The following CELF2 variants were observed in gnomAD, a reference collection of about 807,000 sequenced individuals.
CELF2 encodes the protein CUG triplet repeat RNA-binding protein 2.
A neutral mutation model predicts 62.6 loss-of-function variants in CELF2; 8 were observed. That is an observed-to-expected ratio of 0.13 (90% CI 0.07 to 0.23). The LOEUF (loss-of-function observed/expected upper bound fraction) is 0.23, where lower values mean the gene tolerates loss of function less well. CELF2 is among the 10% of genes least tolerant of loss of function. The pLI, the probability that CELF2 is intolerant of heterozygous loss-of-function variation, is 1.00. For synonymous variants in CELF2, 258 were observed against 250.0 expected (o/e 1.03, Z -0.30); for missense variants, 333 against 671.0 (o/e 0.50, Z 5.56).
At chr10:10,791,318 CAAA>C in the CELF2 span, among the ~76,000 whole-genome samples, 1 of 124,740 alleles carries the variant, frequency 8.0e-6, no homozygotes, top group Non-Finnish European at 1.7e-5. Flanking sequence ...TTTAATGTGG[CAAA>C]AAAAAAAAAA....
intron 1 of CELF2, among the ~76,000 whole-genome samples, chr10:10,905,863 G>T (rs2063298390): frequency 6.7e-6 from 1 of 149,056 alleles, no homozygotes; most frequent in Non-Finnish European, 1.5e-5. Context: ...GGGTGACAGA[G>T]CAAGGCTCCA....
the CELF2 span, among the ~76,000 whole-genome samples, chr10:10,561,863 T>C: frequency 1.3e-5 from 2 of 152,112 alleles, no homozygotes; most frequent in Non-Finnish European, 2.9e-5. Context: ...AGGGGTGAAA[T>C]TTGGGAAGGT....
the CELF2 span, among the ~76,000 whole-genome samples, chr10:10,621,700 G>A: frequency 6.6e-6 from 1 of 152,150 alleles, no homozygotes; most frequent in Non-Finnish European, 1.5e-5. Flanking sequence ...GAGACAAGAA[G>A]CAACTCTGCC....
At chr10:10,713,439 T>C in the CELF2 span, among the ~76,000 whole-genome samples, 1 of 152,178 alleles carries the variant, frequency 6.6e-6, no homozygotes, top group Admixed American at 6.5e-5. Flanking sequence ...ATCTAAACAA[T>C]GGAAGAACCC....
intron 1 of CELF2, among the ~76,000 whole-genome samples, chr10:10,825,703 G>A (rs1208121312): frequency 6.6e-6 from 1 of 152,180 alleles, no homozygotes; most frequent in African/African-American, 2.4e-5. Context: ...TCTCTGCAAA[G>A]TAATATAGCA....
At chr10:10,852,117 G>A (rs1408103561) in intron 1 of CELF2, among the ~76,000 whole-genome samples, 2 of 152,328 alleles carry the variant, frequency 1.3e-5, no homozygotes, top group East Asian at 1.9e-4. Context: ...CAAGACAGAA[G>A]AATTTATATT....
the CELF2 span, among the ~76,000 whole-genome samples, chr10:10,605,336 A>G: frequency 6.6e-6 from 1 of 152,126 alleles, no homozygotes; most frequent in Non-Finnish European, 1.5e-5. Flanking sequence ...CTTAATACCT[A>G]GGTGATGGGT....
the CELF2 span, among the ~76,000 whole-genome samples, chr10:10,631,782 G>A: frequency 1.3e-5 from 2 of 152,044 alleles, no homozygotes; most frequent in African/African-American, 4.8e-5. Context: ...GAAAAATAAG[G>A]TTCTAAAAAA....
rs1389519334 is a variant in CELF2, at chr10:11,214,187, C to T, written c.272-3238C>T. Among the ~76,000 whole-genome samples, 1 of 152,134 alleles carries T rather than the reference C, an allele frequency of 6.6e-6. No homozygotes were observed. Among genetic ancestry groups the T allele is most frequent in the Non-Finnish European group, 1.5e-5 (1 of 68,012 alleles). ...TACTCCCAGGTACTCAGGGAAGGGG[C>T]AGGAGAACCACTTGAGCCAAGGAGT... On this transcript the variant is annotated intron_variant, in intron 2 of 12. Coordinates refer to ENST00000633077, the MANE Select transcript of CELF2 (RefSeq NM_001326342.2). The surrounding 1 kb of genome is among the most constrained non-coding windows in gnomAD (Gnocchi z 4.2).
chr10:10,877,085 G>A (rs924613170), intron 1 of CELF2, among the ~76,000 whole-genome samples: 13 of 152,228 alleles, frequency 8.5e-5, no homozygotes, highest in Admixed American at 7.9e-4. Context: ...CCATAAAGGT[G>A]AGCAACTAAT....
intron 1 of CELF2, among the ~76,000 whole-genome samples, chr10:10,810,008 C>G (rs959157566): frequency 3.3e-5 from 5 of 152,128 alleles, no homozygotes; most frequent in African/African-American, 1.2e-4. Context: ...ATATTTCTGA[C>G]AGTTTTAGAA....
the CELF2 span, among the ~76,000 whole-genome samples, chr10:10,561,570 A>G: frequency 6.6e-6 from 1 of 152,198 alleles, no homozygotes; most frequent in African/African-American, 2.4e-5. Context: ...AGTGCTAAGG[A>G]GAAAAATAAG....
At chr10:11,188,258 A>C (rs1316809519) in intron 2 of CELF2, among the ~76,000 whole-genome samples, 1 of 152,204 alleles carries the variant, frequency 6.6e-6, no homozygotes, top group African/African-American at 2.4e-5. Context: ...GGCATGTGCC[A>C]CCACACCTGG....
chr10:10,550,633 A>T, the CELF2 span, among the ~76,000 whole-genome samples: 1 of 151,594 alleles, frequency 6.6e-6, no homozygotes, highest in Non-Finnish European at 1.5e-5. Context: ...TCATGATCTG[A>T]CTGGATCCTG....
intron 1 of CELF2, among the ~76,000 whole-genome samples, chr10:10,823,439 C>T (rs1195720325): frequency 6.6e-6 from 1 of 152,138 alleles, no homozygotes; most frequent in Non-Finnish European, 1.5e-5. Flanking sequence ...TTCCTTAACA[C>T]ACTGTGTGAC....
chr10:11,057,280 G>C (rs190105517), intron 1 of CELF2, among the ~76,000 whole-genome samples: 2 of 148,224 alleles, frequency 1.3e-5, no homozygotes, highest in African/African-American at 4.9e-5. Context: ...CTCTAGAGGG[G>C]TAGGGGATGT....
intron 1 of CELF2, among the ~76,000 whole-genome samples, chr10:11,152,052 A>G (rs1438860031): frequency 5.3e-5 from 8 of 152,200 alleles, no homozygotes; most frequent in Admixed American, 5.2e-4. Flanking sequence ...TCCTGACCCT[A>G]GCACCATGGC....
intron 1 of CELF2, among the ~76,000 whole-genome samples, chr10:11,089,173 T>C (rs2047627435): frequency 6.6e-6 from 1 of 152,106 alleles, no homozygotes; most frequent in Non-Finnish European, 1.5e-5. Flanking sequence ...CCACTGTCAT[T>C]GGGGATGGCA....
the CELF2 span, among the ~76,000 whole-genome samples, chr10:10,688,319 C>T: frequency 6.6e-6 from 1 of 152,130 alleles, no homozygotes; most frequent in African/African-American, 2.4e-5. Context: ...ACTGCTTTTC[C>T]ACATAGGGGA....
Sources: allele counts gnomAD v4.1 joint callset (sites outside exome capture counted in the v4.1 genomes callset), GRCh38; gene constraint gnomAD v4.1.1; non-coding constraint Gnocchi (gnomAD v3.1); transcripts MANE v1.5; gene names NCBI Gene and HGNC (gene_info 2026-07-23, HGNC 2026-07-21).